Variants in XKR6 observed in about 807,000 individuals in gnomAD.
XKR6 encodes the protein XK-related protein 6.
Under a neutral mutation model 56.7 loss-of-function variants are expected in XKR6, and 22 were observed. The observed-to-expected ratio is 0.39, with a 90% CI of 0.28 to 0.55. The LOEUF (loss-of-function observed/expected upper bound fraction) is 0.55, where lower values mean the gene tolerates loss of function less well. Among genes scored for constraint, XKR6 ranks in the 20% least tolerant of loss-of-function variants. The probability of loss-of-function intolerance (pLI) is 0.66; values close to 1 mark genes in which losing one functional copy is unlikely to be tolerated. For missense variants in XKR6, 852 were observed against 889.0 expected (o/e 0.96, Z 0.53); for synonymous variants, 524 against 387.8 (o/e 1.35, Z -4.13).
chr8:10,944,380 C>T (rs543908944), intron 1 of XKR6, among the ~76,000 whole-genome samples: 5 of 152,316 alleles, frequency 3.3e-5, no homozygotes, highest in South Asian at 2.1e-4. Flanking sequence ...ACTCCCTGGA[C>T]GGTTTAAGAA....
chr8:11,060,556 T>C (rs1799806968), intron 1 of XKR6, among the ~76,000 whole-genome samples: 1 of 152,160 alleles, frequency 6.6e-6, no homozygotes, highest in Non-Finnish European at 1.5e-5. Context: ...ATTGGTCTGT[T>C]TGGGTTTTTC....
intron 1 of XKR6, among the ~76,000 whole-genome samples, chr8:11,053,867 T>C (rs1799615656): frequency 6.6e-6 from 1 of 152,194 alleles, no homozygotes; most frequent in Admixed American, 6.5e-5. Flanking sequence ...CCTAGGTCTT[T>C]CCGCACTCTA....
chr8:10,996,146 TC>T (rs1409965688), intron 1 of XKR6, among the ~76,000 whole-genome samples: 1 of 152,254 alleles, frequency 6.6e-6, no homozygotes, highest in Non-Finnish European at 1.5e-5. Flanking sequence ...GTAATCATTA[TC>T]TGTTACCAAC....
intron 1 of XKR6, among the ~76,000 whole-genome samples, chr8:11,013,993 A>T (rs1053849128): frequency 6.6e-6 from 1 of 152,202 alleles, no homozygotes; most frequent in African/African-American, 2.4e-5. Flanking sequence ...GCTTTGTCCA[A>T]ACGTGCCTTT....
Position 10,959,064 on chromosome 8 carries a change from T to G in XKR6, c.765-34234A>C, listed in dbSNP as rs534073718. On this transcript the variant is annotated intron_variant, in intron 1 of 2. Coordinates refer to ENST00000416569, the MANE Select transcript of XKR6 (RefSeq NM_173683.4). ...CAGAGTGTGACGCTGACACTCTGAGTTGCGACCACCTCTCCTGGGTCACTT... is the reference window on the plus strand; with the variant it reads ...CAGAGTGTGACGCTGACACTCTGAGGTGCGACCACCTCTCCTGGGTCACTT... Among the ~76,000 whole-genome samples the G allele has an allele frequency of 4.6e-5, 7 of 152,320 alleles. No homozygotes were observed. The East Asian group carries it at 1.4e-3, about 29-fold the overall frequency.
chr8:11,074,696 G>C (rs1181846471), intron 1 of XKR6, among the ~76,000 whole-genome samples: 1 of 152,176 alleles, frequency 6.6e-6, no homozygotes, highest in Non-Finnish European at 1.5e-5. Flanking sequence ...TGGGAGAGAG[G>C]CAGAGAGACG....
chr8:11,049,318 CT>C (rs1447800106), intron 1 of XKR6, among the ~76,000 whole-genome samples: 1 of 152,202 alleles, frequency 6.6e-6, no homozygotes, highest in African/African-American at 2.4e-5. Context: ...TCTGTTCCCC[CT>C]TTTCTCAGGA....
chr8:11,072,782 A>G (rs1563118474), intron 1 of XKR6, among the ~76,000 whole-genome samples: 1 of 149,592 alleles, frequency 6.7e-6, no homozygotes, highest in Non-Finnish European at 1.5e-5. Flanking sequence ...CAGGCAAGGT[A>G]GCTCAAGCCT....
intron 1 of XKR6, among the ~76,000 whole-genome samples, chr8:11,190,598 C>A (rs1184286223): frequency 6.6e-6 from 1 of 152,186 alleles, no homozygotes; most frequent in Non-Finnish European, 1.5e-5. Flanking sequence ...TACAAGCCTA[C>A]CCTAAGCTCT....
chr8:11,099,829 C>A (rs890442582), intron 1 of XKR6, among the ~76,000 whole-genome samples: 1 of 152,120 alleles, frequency 6.6e-6, no homozygotes, highest in Admixed American at 6.5e-5. Flanking sequence ...TTAAGGGAGA[C>A]CATGGCAGAG....
intron 1 of XKR6, among the ~76,000 whole-genome samples, chr8:10,926,861 A>AGGGG (rs1800900193): frequency 3.9e-5 from 6 of 152,198 alleles, no homozygotes; most frequent in Admixed American, 1.3e-4. Flanking sequence ...AGGAAGAGGA[A>AGGGG]GGGGGAGGTT....
chr8:11,144,902 G>C (rs1335753397), intron 1 of XKR6, among the ~76,000 whole-genome samples: 1 of 150,760 alleles, frequency 6.6e-6, no homozygotes, highest in Non-Finnish European at 1.5e-5. Context: ...GGAAGGAGAA[G>C]GGGAAGGGGA....
chr8:11,064,730 C>T (rs943715044), intron 1 of XKR6, among the ~76,000 whole-genome samples: 1 of 152,146 alleles, frequency 6.6e-6, no homozygotes, highest in Admixed American at 6.5e-5. Context: ...ACAGAAGGCA[C>T]ACAAATAATA....
intron 1 of XKR6, among the ~76,000 whole-genome samples, chr8:11,117,207 A>ACAC (rs1799225089): frequency 6.6e-6 from 1 of 152,220 alleles, no homozygotes; most frequent in Non-Finnish European, 1.5e-5. Context: ...CCCCCATGAT[A>ACAC]CACTAGGGGT....
intron 1 of XKR6, among the ~76,000 whole-genome samples, chr8:10,973,663 C>A (rs938045454): frequency 6.6e-6 from 1 of 152,160 alleles, no homozygotes; most frequent in Non-Finnish European, 1.5e-5. Context: ...CACTGCACAA[C>A]CTCCACCTCC....
chr8:11,117,199 C>G (rs1416106518), intron 1 of XKR6, among the ~76,000 whole-genome samples: 6 of 152,174 alleles, frequency 3.9e-5, no homozygotes, highest in African/African-American at 1.4e-4. Flanking sequence ...AGGGTTAACC[C>G]CCATGATACA....
At position 11,069,785 on chromosome 8, in the gene XKR6, T is replaced by C. The variant is rs994642503; in HGVS notation, c.764+130791A>G. On this transcript the variant is annotated intron_variant, in intron 1 of 2. Transcript: ENST00000416569. ...TTCAGTGCACTACTGTGCAACTGGATTTCCAAGAAGGGGATGTAGCATGCG... is the reference window on the plus strand; with the variant it reads ...TTCAGTGCACTACTGTGCAACTGGACTTCCAAGAAGGGGATGTAGCATGCG... 5.9e-5 allele frequency among the ~76,000 whole-genome samples: 9 copies of C among 152,258 alleles called. No homozygotes were observed. In the East Asian group the frequency reaches 1.7e-3, roughly 29 times the overall value.
At chr8:11,085,649 T>C (rs1407056542) in intron 1 of XKR6, among the ~76,000 whole-genome samples, 2 of 152,104 alleles carry the variant, frequency 1.3e-5, no homozygotes, top group Non-Finnish European at 2.9e-5. Flanking sequence ...CGCCATAGGA[T>C]GGTCTCCCAT....
chr8:10,913,747 G>T (rs1240544798), intron 2 of XKR6, among the ~76,000 whole-genome samples: 2 of 152,202 alleles, frequency 1.3e-5, no homozygotes, highest in Non-Finnish European at 1.5e-5. Flanking sequence ...GTGTTCAAGG[G>T]AGGCACCTTT....
Sources: gnomAD v4.1 joint callset for allele counts (sites outside exome capture counted in the v4.1 genomes callset) on GRCh38, gnomAD v4.1.1 for gene constraint, MANE v1.5 for transcripts, NCBI Gene and HGNC (gene_info 2026-07-23, HGNC 2026-07-21) for gene names.